Variants in CSGALNACT1 observed in about 807,000 individuals in gnomAD.
The protein encoded by CSGALNACT1 is chondroitin sulfate N-acetylgalactosaminyltransferase 1.
A neutral mutation model predicts 51.0 loss-of-function variants in CSGALNACT1; 52 were observed. The observed-to-expected ratio is 1.02, with a 90% CI of 0.82 to 1.29. The LOEUF (loss-of-function observed/expected upper bound fraction) is 1.29. CSGALNACT1 is among the 50% of genes most tolerant of loss of function. CSGALNACT1 has a pLI of 0.00. For synonymous variants in CSGALNACT1, 341 were observed against 254.4 expected (o/e 1.34, Z -3.24); for missense variants, 935 against 679.2 (o/e 1.38, Z -4.19).
intron 3 of CSGALNACT1, among the ~76,000 whole-genome samples, chr8:19,528,401 AAGAG>A (rs1314235525): frequency 6.6e-6 from 1 of 152,144 alleles, no homozygotes; most frequent in East Asian, 1.9e-4. Context: ...ACAAGTGATA[AAGAG>A]AGACAAAACA....
intron 9 of CSGALNACT1, 38 bp downstream of exon 8, chr8:19,408,575 G>A: frequency 6.4e-7 from 1 of 1,563,902 alleles, no homozygotes; most frequent in Non-Finnish European, 8.8e-7. Flanking sequence ...ATGGGCCCGT[G>A]GCCTCTGGGT....
intron 3 of CSGALNACT1, among the ~76,000 whole-genome samples, chr8:19,555,112 G>A (rs189288742): frequency 2.7e-3 from 407 of 151,818 alleles, no homozygotes; most frequent in African/African-American, 9.1e-3. Context: ...GGTGCTGAGC[G>A]CCTGTAGTTC....
chr8:19,709,804 C>T (rs1280702340), intron 1 of CSGALNACT1, among the ~76,000 whole-genome samples: 1 of 152,080 alleles, frequency 6.6e-6, no homozygotes, highest in African/African-American at 2.4e-5. Flanking sequence ...GTCTAATGCA[C>T]AGCGCAGGAT....
At chr8:19,405,140 G>GA (rs750786734) in exon 10 of CSGALNACT1, 28 of 450,774 alleles carry the variant, frequency 6.2e-5, no homozygotes, top group South Asian at 2.2e-4. Context: ...ACTCACAAGG[G>GA]AAAAAAAGTG....
chr8:19,485,758 GCTTT>G (rs1195777751), intron 4 of CSGALNACT1, among the ~76,000 whole-genome samples: 2 of 23,444 alleles, frequency 8.5e-5, no homozygotes, highest in Non-Finnish European at 2.3e-4. Context: ...ACCTCAGCTT[GCTTT>G]TTTTTTTTTT....
intron 1 of CSGALNACT1, among the ~76,000 whole-genome samples, chr8:19,655,128 G>C (rs1419363532): frequency 1.3e-5 from 2 of 152,086 alleles, no homozygotes; most frequent in Non-Finnish European, 2.9e-5. Flanking sequence ...ATAGTGATTA[G>C]CAGAAGTCAT....
chr8:19,628,439 C>T (rs186022678), intron 1 of CSGALNACT1, among the ~76,000 whole-genome samples: 61 of 152,276 alleles, frequency 4.0e-4, no homozygotes, highest in Admixed American at 2.3e-3. Flanking sequence ...CCACCAGGTC[C>T]CTCCCTTGAT....
intron 3 of CSGALNACT1, among the ~76,000 whole-genome samples, chr8:19,556,679 A>G (rs1039398051): frequency 1.3e-5 from 2 of 152,192 alleles, no homozygotes; most frequent in African/African-American, 4.8e-5. Context: ...ACAAGCTATA[A>G]TAGATTCTCC....
intron 3 of CSGALNACT1, among the ~76,000 whole-genome samples, chr8:19,559,989 C>G (rs1588337977): frequency 6.6e-6 from 1 of 152,190 alleles, no homozygotes; most frequent in Non-Finnish European, 1.5e-5. Context: ...TTAAGACTCA[C>G]TTAAGAAGAC....
At chr8:19,610,289 CAAAAA>C (rs58262538) in intron 1 of CSGALNACT1, among the ~76,000 whole-genome samples, 9 of 47,656 alleles carry the variant, frequency 1.9e-4, no homozygotes, top group African/African-American at 7.5e-4. Flanking sequence ...GACTCCGTCT[CAAAAA>C]AAAAAAAAAA....
intron 3 of CSGALNACT1, among the ~76,000 whole-genome samples, chr8:19,525,186 T>C (rs182167346): frequency 1.5e-3 from 233 of 152,282 alleles, no homozygotes; most frequent in South Asian, 1.9e-3. Context: ...TGTTGCCAAA[T>C]TGATGAAAAA....
chr8:19,442,402 G>C (rs1563416183), intron 5 of CSGALNACT1, among the ~76,000 whole-genome samples: 2 of 152,054 alleles, frequency 1.3e-5, no homozygotes, highest in Non-Finnish European at 2.9e-5. Context: ...AAAAAATGAA[G>C]AGCTCATGTC....
chr8:19,505,103 G>C (rs1166145914), intron 4 of CSGALNACT1, 98 bp downstream of exon 3: 2 of 1,374,624 alleles, frequency 1.5e-6, no homozygotes, highest in African/African-American at 2.8e-5. Context: ...AGCCATCCCA[G>C]AGCCAGCTGC....
At chr8:19,666,998 A>AGGAAG (rs1491320810) in intron 1 of CSGALNACT1, among the ~76,000 whole-genome samples, 3 of 23,912 alleles carry the variant, frequency 1.3e-4, no homozygotes, top group African/African-American at 8.2e-4. Flanking sequence ...AAAGAAAGAA[A>AGGAAG]GAAAGAAAGA....
At chr8:19,513,436 C>CTATA (rs1554650175) in intron 3 of CSGALNACT1, among the ~76,000 whole-genome samples, 1,013 of 81,930 alleles carry the variant, frequency 0.012, 19 homozygotes, top group Middle Eastern at 0.037. Flanking sequence ...CTCTCTCTCT[C>CTATA]TATATATATA....
chr8:19,668,808 C>A (rs1332405681), intron 1 of CSGALNACT1, among the ~76,000 whole-genome samples: 1 of 152,188 alleles, frequency 6.6e-6, no homozygotes, highest in African/African-American at 2.4e-5. Flanking sequence ...CAGACTAGGC[C>A]TCACAAAGTG....
At chr8:19,750,807 T>C (rs540486903) in intron 1 of CSGALNACT1, among the ~76,000 whole-genome samples, 1 of 152,296 alleles carries the variant, frequency 6.6e-6, no homozygotes, top group East Asian at 1.9e-4. Context: ...GATGAATGCA[T>C]GAATGGCTGA....
At chr8:19,756,676 C>T (rs931531273) in intron 1 of CSGALNACT1, among the ~76,000 whole-genome samples, 1 of 152,198 alleles carries the variant, frequency 6.6e-6, no homozygotes, top group Non-Finnish European at 1.5e-5. Context: ...CCACATCCCC[C>T]ACTAGCCCGG....
intron 3 of CSGALNACT1, chr8:19,591,085 A>G (rs2047714453): frequency 6.6e-6 from 1 of 152,202 alleles, no homozygotes; most frequent in Admixed American, 6.5e-5. Flanking sequence ...CAATCTCCAA[A>G]ATAGGGCAGA....
Sources: gnomAD v4.1 joint callset for allele counts (sites outside exome capture counted in the v4.1 genomes callset) on GRCh38, gnomAD v4.1.1 for gene constraint, MANE v1.5 for transcripts, NCBI Gene and HGNC (gene_info 2026-07-23, HGNC 2026-07-21) for gene names.